The following ZNF676 variants were observed in gnomAD, a reference collection of about 807,000 sequenced individuals.
ZNF676 encodes the protein zinc finger protein 676.
A neutral mutation model predicts 6.0 loss-of-function variants in ZNF676; 4 were observed. The ratio of observed to expected loss-of-function variants is 0.67; its 90% CI spans 0.33 to 1.53. The LOEUF is 1.53. Ranked by LOEUF, ZNF676 falls within the 40% of genes most tolerant of loss-of-function variation. The pLI is 0.06. For missense variants in ZNF676, 644 were observed against 679.7 expected, an observed-to-expected ratio of 0.95 and a Z score of 0.58; for synonymous variants, 198 against 223.1, an observed-to-expected ratio of 0.89 and a Z score of 1.00.
intron 1 of ZNF676, among the ~76,000 whole-genome samples, chr19:22,196,370 A>G (rs2023966831): frequency 6.6e-6 from 1 of 152,154 alleles, no homozygotes; most frequent in Non-Finnish European, 1.5e-5. Context: ...GCAGCTGACC[A>G]CAACCTCCCC....
At chr19:22,251,102 G>A in the ZNF676 span, among the ~76,000 whole-genome samples, 38 of 152,246 alleles carry the variant, frequency 2.5e-4, no homozygotes, top group African/African-American at 7.9e-4. Flanking sequence ...GGTATCTGAT[G>A]GTACAAACCC....
chr19:22,253,680 T>C, the ZNF676 span, among the ~76,000 whole-genome samples: 339 of 152,020 alleles, frequency 2.2e-3, 4 homozygotes, highest in African/African-American at 7.7e-3. Context: ...AGTCACCATG[T>C]CAACTGTAGC....
chr19:22,225,939 A>G, the ZNF676 span, among the ~76,000 whole-genome samples: 1 of 152,024 alleles, frequency 6.6e-6, no homozygotes, highest in Non-Finnish European at 1.5e-5. Context: ...ATTTTGAAGT[A>G]TATTTCAGTT....
intron 1 of ZNF676, among the ~76,000 whole-genome samples, chr19:22,207,205 A>T (rs1013268642): frequency 1.3e-5 from 2 of 152,226 alleles, no homozygotes; most frequent in Non-Finnish European, 2.9e-5. Flanking sequence ...ATATACTCTC[A>T]GCAGAAAAGC....
At chr19:22,200,631 G>A (rs1463002115), upstream of ZNF676, among the ~76,000 whole-genome samples, 1 of 145,680 alleles carries the variant, frequency 6.9e-6, no homozygotes, top group African/African-American at 2.6e-5. Context: ...AGATTCTCCT[G>A]CCTCAGCCTC....
chr19:22,232,791 A>G, the ZNF676 span, among the ~76,000 whole-genome samples: 1 of 152,200 alleles, frequency 6.6e-6, no homozygotes, highest in Admixed American at 6.5e-5. Flanking sequence ...ATAAATATAT[A>G]GAAATTAACA....
upstream of ZNF676, among the ~76,000 whole-genome samples, chr19:22,199,999 A>G (rs563854200): frequency 2.6e-5 from 4 of 152,096 alleles, no homozygotes; most frequent in African/African-American, 9.6e-5. Flanking sequence ...TTGAGGCAAG[A>G]CTCCAGGGTA....
the ZNF676 span, among the ~76,000 whole-genome samples, chr19:22,246,233 A>G: frequency 2.0e-5 from 3 of 152,196 alleles, no homozygotes; most frequent in South Asian, 4.1e-4. Flanking sequence ...GAAGAGTCTC[A>G]TCAACTAGGT....
the ZNF676 span, among the ~76,000 whole-genome samples, chr19:22,230,112 T>A: frequency 6.6e-6 from 1 of 152,174 alleles, no homozygotes; most frequent in African/African-American, 2.4e-5. Flanking sequence ...TGCCCATCAG[T>A]GATAGACTGG....
the ZNF676 span, among the ~76,000 whole-genome samples, chr19:22,235,887 C>G: frequency 6.6e-6 from 1 of 151,080 alleles, no homozygotes; most frequent in Non-Finnish European, 1.5e-5. Context: ...TTTGCTAAGT[C>G]AATGTCTGCA....
upstream of ZNF676, chr19:22,197,039 T>C (rs530069759): frequency 8.5e-5 from 21 of 248,006 alleles, no homozygotes; most frequent in Admixed American, 1.1e-3. Flanking sequence ...TACAGAATTG[T>C]GTGCCAGGCA....
chr19:22,219,950 C>T (rs1047996737), upstream of ZNF676, among the ~76,000 whole-genome samples: 2 of 152,148 alleles, frequency 1.3e-5, no homozygotes, highest in African/African-American at 2.4e-5. Flanking sequence ...CCACCACGCC[C>T]AGCCTGTCAT....
chr19:22,251,101 T>C, the ZNF676 span, among the ~76,000 whole-genome samples: 104,898 of 151,948 alleles, frequency 0.69, 36,959 homozygotes, highest in Admixed American at 0.78. Flanking sequence ...AGGTATCTGA[T>C]GGTACAAACC....
chr19:22,215,830 T>A (rs1234133610), upstream of ZNF676, among the ~76,000 whole-genome samples: 1 of 149,610 alleles, frequency 6.7e-6, no homozygotes, highest in East Asian at 2.1e-4. Context: ...GATTGGACAT[T>A]CCCAGCCCAG....
At chr19:22,232,527 G>A in the ZNF676 span, among the ~76,000 whole-genome samples, 2 of 152,056 alleles carry the variant, frequency 1.3e-5, no homozygotes, top group Non-Finnish European at 2.9e-5. Context: ...CAGAATAATA[G>A]TAAGAGAACA....
intron 1 of ZNF676, among the ~76,000 whole-genome samples, chr19:22,195,253 TA>T (rs1031895547): frequency 2.2e-4 from 34 of 152,030 alleles, no homozygotes; most frequent in African/African-American, 8.0e-4. Context: ...TAGTACAAAC[TA>T]AAGGAAAGAA....
chr19:22,214,404 C>CAGG (rs1568537067), intron 1 of ZNF676, among the ~76,000 whole-genome samples: 1 of 150,582 alleles, frequency 6.6e-6, no homozygotes, highest in Non-Finnish European at 1.5e-5. Context: ...CACTTGAAAT[C>CAGG]AGGAGTTCGA....
At chr19:22,187,094 T>C (rs940299229) in intron 2 of ZNF676, among the ~76,000 whole-genome samples, 5 of 152,230 alleles carry the variant, frequency 3.3e-5, no homozygotes, top group Non-Finnish European at 2.9e-5. Flanking sequence ...ATCACACTTA[T>C]TCTAAAATTA....
chr19:22,207,776 G>A (rs994254848), intron 1 of ZNF676, among the ~76,000 whole-genome samples: 1 of 152,038 alleles, frequency 6.6e-6, no homozygotes, highest in African/African-American at 2.4e-5. Context: ...AGAATAGGGA[G>A]CCCAGAAATA....
Sources: allele counts gnomAD v4.1 joint callset (sites outside exome capture counted in the v4.1 genomes callset), GRCh38; gene constraint gnomAD v4.1.1; transcripts MANE v1.5; gene names NCBI Gene and HGNC (gene_info 2026-07-23, HGNC 2026-07-21).